STAC: variants seen among roughly 807,000 people sequenced by gnomAD.
STAC encodes SH3 and cysteine rich domain, also known as SH3 and cysteine-rich domain-containing protein.
STAC carries 43 observed loss-of-function variants against 48.8 expected under a neutral mutation model. The ratio of observed to expected loss-of-function variants is 0.88; its 90% CI spans 0.69 to 1.14. The LOEUF (loss-of-function observed/expected upper bound fraction) is 1.14, where lower values mean the gene tolerates loss of function less well. Among genes scored for constraint, STAC ranks in the 50% most tolerant of loss-of-function variants. The pLI, the probability that STAC is intolerant of heterozygous loss-of-function variation, is 0.00. For missense variants in STAC, 497 were observed against 504.0 expected (o/e 0.99, Z 0.13); for synonymous variants, 193 against 179.5 (o/e 1.07, Z -0.60).
At chr3:36,520,451 G>A (rs1379257124) in intron 8 of STAC, among the ~76,000 whole-genome samples, 1 of 152,114 alleles carries the variant, frequency 6.6e-6, no homozygotes, top group African/African-American at 2.4e-5. Context: ...TCTGTGCACA[G>A]GTCTGCATTG....
Position 36,526,682 on chromosome 3 carries a change from T to TGA in STAC, c.921-2014_921-2013insGA, listed in dbSNP as rs1204635810. Reference sequence around the variant, plus strand: ...CCGCATTACTACTTATAATGAACAATTGGCAGCAATGATGTTGAACTCCAG... The same window carrying TGA: ...CCGCATTACTACTTATAATGAACAATGATGGCAGCAATGATGTTGAACTCCAG... On this transcript the variant is annotated intron_variant, in intron 8 of 10. Coordinates refer to ENST00000273183, the MANE Select transcript of STAC (RefSeq NM_003149.3). Among the ~76,000 whole-genome samples the TGA allele has an allele frequency of 5.5e-4, 83 of 152,204 alleles. No homozygotes were observed. The East Asian group carries it at 0.014, about 26-fold the overall frequency.
chr3:36,390,004 G>A (rs13322139), intron 1 of STAC, among the ~76,000 whole-genome samples: 1,940 of 152,282 alleles, frequency 0.013, 44 homozygotes, highest in African/African-American at 0.044. Flanking sequence ...AGGGACAGGG[G>A]TTTATTGCTG....
intron 1 of STAC, among the ~76,000 whole-genome samples, chr3:36,419,920 T>A (rs1039811208): frequency 6.6e-6 from 1 of 152,208 alleles, no homozygotes; most frequent in African/African-American, 2.4e-5. Context: ...TGCCATATGT[T>A]TGATTTTGCC....
intron 2 of STAC, among the ~76,000 whole-genome samples, chr3:36,476,558 T>C (rs979590843): frequency 2.0e-5 from 3 of 151,982 alleles, no homozygotes; most frequent in African/African-American, 7.3e-5. Context: ...TAGGGAGGGG[T>C]TGCATGGTGG....
intron 2 of STAC, among the ~76,000 whole-genome samples, chr3:36,458,516 G>A (rs1209045618): frequency 6.6e-6 from 1 of 152,158 alleles, no homozygotes; most frequent in Admixed American, 6.5e-5. Context: ...TCCCAGCGTG[G>A]TGTGACAAGA....
chr3:36,474,577 G>A (rs566276008), intron 2 of STAC, among the ~76,000 whole-genome samples: 4 of 152,198 alleles, frequency 2.6e-5, no homozygotes, highest in African/African-American at 9.6e-5. Flanking sequence ...CCCTAGTCCT[G>A]TTCCTGTCCT....
intron 2 of STAC, among the ~76,000 whole-genome samples, chr3:36,468,494 G>A (rs990780859): frequency 1.3e-5 from 2 of 151,654 alleles, no homozygotes; most frequent in African/African-American, 4.8e-5. Context: ...TGTCAGTGGA[G>A]TATTAAAGTC....
intron 1 of STAC, among the ~76,000 whole-genome samples, chr3:36,423,285 A>G (rs1196604629): frequency 6.6e-6 from 1 of 152,142 alleles, no homozygotes; most frequent in African/African-American, 2.4e-5. Context: ...AGAAGCTTAG[A>G]AACATATAAT....
chr3:36,479,153 G>C (rs914504173), intron 2 of STAC, among the ~76,000 whole-genome samples: 4 of 152,106 alleles, frequency 2.6e-5, no homozygotes, highest in Non-Finnish European at 5.9e-5. Flanking sequence ...CTAAGAAAAC[G>C]TATGTGTAAA....
At chr3:36,431,120 A>G (rs910782166) in intron 1 of STAC, among the ~76,000 whole-genome samples, 1 of 152,234 alleles carries the variant, frequency 6.6e-6, no homozygotes, top group South Asian at 2.1e-4. Context: ...TAATTTCTAG[A>G]ACTACTTGAT....
intron 5 of STAC, among the ~76,000 whole-genome samples, chr3:36,490,514 C>A (rs1194156628): frequency 2.0e-5 from 3 of 152,190 alleles, no homozygotes. Flanking sequence ...CACTTCAGTG[C>A]AAGCCTCTTC....
chr3:36,437,519 C>A (rs558459158), intron 1 of STAC, among the ~76,000 whole-genome samples: 1 of 150,140 alleles, frequency 6.7e-6, no homozygotes, highest in Non-Finnish European at 1.5e-5. Flanking sequence ...AGTAAACTAC[C>A]GCAAGGACAA....
intron 1 of STAC, among the ~76,000 whole-genome samples, chr3:36,417,276 A>G (rs569242955): frequency 1.3e-5 from 2 of 152,266 alleles, no homozygotes; most frequent in South Asian, 4.1e-4. Context: ...TGTTTTTCCC[A>G]TATAAATGGA....
chr3:36,450,820 C>T (rs997509351), intron 2 of STAC, among the ~76,000 whole-genome samples: 6 of 152,154 alleles, frequency 3.9e-5, no homozygotes, highest in Admixed American at 1.3e-4. Context: ...CCACTGCACC[C>T]GGTCAGTGGC....
intron 10 of STAC, among the ~76,000 whole-genome samples, chr3:36,530,893 T>C (rs1353788644): frequency 1.3e-5 from 2 of 152,132 alleles, no homozygotes; most frequent in Non-Finnish European, 2.9e-5. Flanking sequence ...CCACTGCACC[T>C]GGCCAATTTA....
Position 36,486,217 on chromosome 3 carries a change from G to A in STAC, c.655G>A (p.Gly219Ser), listed in dbSNP as rs144484309. 3.7e-5 allele frequency: 59 copies of A among 1,613,756 alleles called. No individual in the cohort carries two copies. The highest frequency in any genetic ancestry group is 4.8e-5 in the Non-Finnish European group (57 of 1,179,912). ...CCAGAGGACAAAGAAGGGCAGCTCC[G>A]GCAGTGGCTCTGACTCACCTCACAG... ...LAQRTKKGSS[G>S]SGSDSPHRTS... The change falls in exon 5 of 11, where the codon GGC becomes AGC. Residue 219 changes from glycine (G) to serine (S), a missense_variant. Physicochemically the swap from Gly to Ser is moderately conservative, Grantham distance 56. Transcript: ENST00000273183.
intron 2 of STAC, 35 bp from the exon 3 acceptor site, chr3:36,482,957 T>G (rs544442605): frequency 6.7e-7 from 1 of 1,497,338 alleles, no homozygotes; most frequent in South Asian, 1.1e-5. Flanking sequence ...AATGGCAGGT[T>G]GTATCCTAAC....
intron 1 of STAC, among the ~76,000 whole-genome samples, chr3:36,381,208 C>T (rs1699503693): frequency 6.6e-6 from 1 of 152,040 alleles, no homozygotes; most frequent in Non-Finnish European, 1.5e-5. Context: ...AGGGATCACC[C>T]CTACCTTCAG....
At chr3:36,390,750 T>C (rs1699738051) in intron 1 of STAC, among the ~76,000 whole-genome samples, 1 of 152,174 alleles carries the variant, frequency 6.6e-6, no homozygotes, top group African/African-American at 2.4e-5. Flanking sequence ...TTTTATTTTG[T>C]TTTTGTATTT....
Sources: allele counts gnomAD v4.1 joint callset (sites outside exome capture counted in the v4.1 genomes callset), GRCh38; gene constraint gnomAD v4.1.1; transcripts MANE v1.5; gene names NCBI Gene and HGNC (gene_info 2026-07-23, HGNC 2026-07-21).